Variants in MSI2 observed in about 807,000 individuals in gnomAD.
MSI2 encodes the protein RNA-binding protein Musashi homolog 2.
Under a neutral mutation model 45.6 loss-of-function variants are expected in MSI2, and 17 were observed. The ratio of observed to expected loss-of-function variants is 0.37; its 90% CI spans 0.26 to 0.56. MSI2 has a LOEUF of 0.56. Among genes scored for constraint, MSI2 ranks in the 20% least tolerant of loss-of-function variants. The probability of loss-of-function intolerance (pLI) is 0.77; values close to 1 mark genes in which losing one functional copy is unlikely to be tolerated. For synonymous variants in MSI2, 156 were observed against 158.2 expected, an observed-to-expected ratio of 0.99 and a Z score of 0.11; for missense variants, 293 against 444.2, an observed-to-expected ratio of 0.66 and a Z score of 3.06.
At chr17:57,575,147 T>TCCCCCCC (rs371180511) in intron 7 of MSI2, among the ~76,000 whole-genome samples, 148 of 119,558 alleles carry the variant, frequency 1.2e-3, no homozygotes, top group African/African-American at 2.3e-3. Context: ...CTTTTTTAAC[T>TCCCCCCC]CCCTCCCCCC....
intron 5 of MSI2, among the ~76,000 whole-genome samples, chr17:57,357,044 G>A (rs752808733): frequency 3.3e-5 from 5 of 152,182 alleles, no homozygotes; most frequent in South Asian, 2.1e-4. Flanking sequence ...ACCCTTCCCC[G>A]CTTCTCGGGG....
intron 6 of MSI2, among the ~76,000 whole-genome samples, chr17:57,488,343 A>G (rs1238897261): frequency 1.3e-5 from 2 of 152,220 alleles, no homozygotes; most frequent in Non-Finnish European, 2.9e-5. Context: ...CAATAGTTGA[A>G]ATTTCCTATC....
chr17:57,360,871 G>A (rs1050942638), intron 5 of MSI2, among the ~76,000 whole-genome samples: 1 of 152,232 alleles, frequency 6.6e-6, no homozygotes, highest in Non-Finnish European at 1.5e-5. Flanking sequence ...TCATTCAGCA[G>A]AGGCTAATTA....
chr17:57,623,139 C>T lies in MSI2; in HGVS notation c.653-4090C>T, dbSNP rs1389963020. Among the ~76,000 whole-genome samples, 3 of 152,288 alleles carry T rather than the reference C, an allele frequency of 2.0e-5. No individual in the cohort carries two copies. In the East Asian group the frequency reaches 5.8e-4, roughly 29 times the overall value. On this transcript the variant is annotated intron_variant, in intron 9 of 13. Coordinates refer to ENST00000284073, the MANE Select transcript of MSI2 (RefSeq NM_138962.4). ...AAGCATCTTTGTAGACTTTAGCCTT[C>T]GCGTCCTTGCCTAGGAAGGACTCTT...
intron 6 of MSI2, among the ~76,000 whole-genome samples, chr17:57,466,210 G>A (rs990674203): frequency 5.9e-5 from 9 of 152,192 alleles, no homozygotes; most frequent in African/African-American, 1.9e-4. Flanking sequence ...TGACTGTGGG[G>A]AGGCTTCTGA....
At chr17:57,427,353 G>A (rs541750848) in intron 6 of MSI2, among the ~76,000 whole-genome samples, 4 of 152,014 alleles carry the variant, frequency 2.6e-5, no homozygotes, top group African/African-American at 4.8e-5. Flanking sequence ...AGCGGAGATC[G>A]CACCACTGCA....
chr17:57,642,411 T>C (rs1910326676), intron 10 of MSI2, among the ~76,000 whole-genome samples: 1 of 152,234 alleles, frequency 6.6e-6, no homozygotes, highest in Admixed American at 6.5e-5. Flanking sequence ...GCATTTGGTG[T>C]AGCCACGCCC....
chr17:57,528,668 A>G (rs1034678397), intron 6 of MSI2, among the ~76,000 whole-genome samples: 1 of 152,116 alleles, frequency 6.6e-6, no homozygotes, highest in Admixed American at 6.5e-5. Flanking sequence ...CTTGGCTTGC[A>G]GTCTTCTCCC....
At chr17:57,427,061 A>G (rs2084506292) in intron 6 of MSI2, among the ~76,000 whole-genome samples, 3 of 152,212 alleles carry the variant, frequency 2.0e-5, no homozygotes. Flanking sequence ...AAGGTTTCTC[A>G]TTGAGAGAAG....
intron 6 of MSI2, among the ~76,000 whole-genome samples, chr17:57,420,388 C>T (rs9901780): frequency 2.6e-5 from 4 of 152,084 alleles, no homozygotes; most frequent in Admixed American, 6.5e-5. Flanking sequence ...TGCTCTCCCC[C>T]ACTTTTGGAG....
At chr17:57,282,917 A>G (rs1350149480) in intron 5 of MSI2, among the ~76,000 whole-genome samples, 2 of 147,748 alleles carry the variant, frequency 1.4e-5, no homozygotes, top group African/African-American at 5.0e-5. Context: ...GACTTTAATA[A>G]TTGAGGCGGC....
At chr17:57,560,362 C>T (rs751925490) in intron 7 of MSI2, among the ~76,000 whole-genome samples, 2 of 152,212 alleles carry the variant, frequency 1.3e-5, no homozygotes, top group Non-Finnish European at 2.9e-5. Context: ...GTAACCCGTG[C>T]CCCTCCGAGG....
intron 6 of MSI2, among the ~76,000 whole-genome samples, chr17:57,496,087 G>A (rs1452906420): frequency 6.6e-6 from 1 of 152,192 alleles, no homozygotes; most frequent in Non-Finnish European, 1.5e-5. Flanking sequence ...TACAAAGGTG[G>A]AATTATCACT....
At chr17:57,649,666 A>C (rs1178152999) in intron 10 of MSI2, among the ~76,000 whole-genome samples, 1 of 152,142 alleles carries the variant, frequency 6.6e-6, no homozygotes, top group Non-Finnish European at 1.5e-5. Flanking sequence ...ACTCAGTATC[A>C]GGGGCCTGTC....
chr17:57,347,873 C>A (rs1444002877), intron 5 of MSI2, among the ~76,000 whole-genome samples: 1 of 152,220 alleles, frequency 6.6e-6, no homozygotes, highest in African/African-American at 2.4e-5. Flanking sequence ...CTTCTGTTCA[C>A]TGAACCAACA....
intron 5 of MSI2, among the ~76,000 whole-genome samples, chr17:57,325,937 C>T (rs148338117): frequency 1.3e-5 from 2 of 152,296 alleles, no homozygotes; most frequent in Non-Finnish European, 2.9e-5. Context: ...TGTTGTGTTT[C>T]CTGAACATTC....
At chr17:57,338,785 G>A (rs1200906723) in intron 5 of MSI2, among the ~76,000 whole-genome samples, 1 of 152,188 alleles carries the variant, frequency 6.6e-6, no homozygotes, top group Non-Finnish European at 1.5e-5. Flanking sequence ...TGTGGCATGA[G>A]CAGCTCACGC....
intron 6 of MSI2, among the ~76,000 whole-genome samples, chr17:57,436,410 T>C (rs1177345421): frequency 6.6e-6 from 1 of 152,210 alleles, no homozygotes; most frequent in African/African-American, 2.4e-5. Context: ...GAGGAATGTG[T>C]GTTCACAAAT....
At chr17:57,693,823 T>C in the MSI2 span, among the ~76,000 whole-genome samples, 1 of 152,258 alleles carries the variant, frequency 6.6e-6, no homozygotes, top group Non-Finnish European at 1.5e-5. Flanking sequence ...GTAGTAAATA[T>C]GCATGCCTCT....
Sources: allele counts gnomAD v4.1 joint callset (sites outside exome capture counted in the v4.1 genomes callset), GRCh38; gene constraint gnomAD v4.1.1; transcripts MANE v1.5; gene names NCBI Gene and HGNC (gene_info 2026-07-23, HGNC 2026-07-21).